The following AARS1 variants were observed in gnomAD, a reference collection of about 807,000 sequenced individuals.
The protein encoded by AARS1 is alanyl-tRNA synthetase 1, also known as alanine--tRNA ligase, cytoplasmic.
AARS1 carries 72 observed loss-of-function variants against 108.9 expected under a neutral mutation model. The ratio of observed to expected loss-of-function variants is 0.66; its 90% CI spans 0.55 to 0.80. The LOEUF is 0.80. Ranked by LOEUF, AARS1 falls within the 30% of genes least tolerant of loss-of-function variation. The pLI is 0.00. For missense variants in AARS1, 1,193 were observed against 1,233.2 expected (o/e 0.97, Z 0.49); for synonymous variants, 489 against 465.7 (o/e 1.05, Z -0.64).
intron 11 of AARS1, among the ~76,000 whole-genome samples, chr16:70,262,996 A>AAAAAAACAAC (rs1555540563): frequency 1.5e-5 from 2 of 129,138 alleles, no homozygotes; most frequent in African/African-American, 3.5e-5. Context: ...AAAAAAAAAA[A>AAAAAAACAAC]AACAACAACA....
Position 70,270,239 on chromosome 16 carries a change from T to A in AARS1, c.773A>T (p.Tyr258Phe). ...GTAAGGGACAAAAAGGTCAGTGTCATAGTTGGACATCTTATTCTGCAGCAC... is the reference window on the plus strand; with the variant it reads ...GTAAGGGACAAAAAGGTCAGTGTCAAAGTTGGACATCTTATTCTGCAGCAC... ...VSVLQNKMSN[Y>F]DTDLFVPYFE... Residue 258 changes from tyrosine to phenylalanine, a missense_variant, in exon 6 of 21, where the codon TAT (tyrosine) becomes TTT (phenylalanine). Physicochemically the swap from Tyr to Phe is conservative, Grantham distance 22. Transcript: ENST00000261772. The A allele has an allele frequency of 6.2e-7, 1 of 1,614,156 alleles. No homozygotes were observed. Among genetic ancestry groups the A allele is most frequent in the Non-Finnish European group, 8.5e-7 (1 of 1,180,028 alleles).
chr16:70,283,178 C>A (rs1345747195), intron 1 of AARS1, among the ~76,000 whole-genome samples: 2 of 152,086 alleles, frequency 1.3e-5, no homozygotes, highest in African/African-American at 4.8e-5. Flanking sequence ...GTGGGCAGAT[C>A]ACAAGGTCAG....
At chr16:70,254,542 G>C in intron 17 of AARS1, 79 bp downstream of exon 17, 1 of 1,041,556 alleles carries the variant, frequency 9.6e-7, no homozygotes, top group Middle Eastern at 2.0e-4. Context: ...GGGCCTGACT[G>C]ACTACAGATG....
intron 1 of AARS1, among the ~76,000 whole-genome samples, chr16:70,285,341 T>C (rs1435001366): frequency 6.6e-6 from 1 of 152,174 alleles, no homozygotes; most frequent in Non-Finnish European, 1.5e-5. Context: ...TGGAGTGCAG[T>C]GGGACAATCA....
intron 15 of AARS1, among the ~76,000 whole-genome samples, chr16:70,256,250 A>G (rs1484318180): frequency 6.6e-6 from 1 of 152,208 alleles, no homozygotes; most frequent in African/African-American, 2.4e-5. Context: ...TTCTCAGTTC[A>G]GAGAACCTCA....
chr16:70,282,859 C>A, intron 1 of AARS1, 75 bp from the exon 2 acceptor site: 1 of 1,464,664 alleles, frequency 6.8e-7, no homozygotes, highest in Non-Finnish European at 9.5e-7. Context: ...AGACTTCTGG[C>A]TTCTCAAGCC....
Position 70,282,709 on chromosome 16 carries a change from TGAA to T in AARS1, c.52_54del (p.Phe18del). 1 of 1,614,106 alleles carries T rather than the reference TGAA, an allele frequency of 6.2e-7. No homozygotes were observed. The highest frequency in any genetic ancestry group is 8.5e-7 in the Non-Finnish European group (1 of 1,180,042). ...TGAACATACGTATGCTCGTTCCTCTTGAAGAAATCTATAAATCGCTGCCGGATT... is the reference window on the plus strand; with the variant it reads ...TGAACATACGTATGCTCGTTCCTCTTGAAATCTATAAATCGCTGCCGGATT... On this transcript the variant is annotated inframe_deletion, in exon 2 of 21. Coordinates refer to ENST00000261772, the MANE Select transcript of AARS1 (RefSeq NM_001605.3).
At position 70,285,943 on chromosome 16, in the gene AARS1, A is replaced by T. The variant is rs566431184; in HGVS notation, c.-21-3159T>A. On this transcript the variant is annotated intron_variant, in intron 1 of 20. Coordinates refer to ENST00000261772, the MANE Select transcript of AARS1 (RefSeq NM_001605.3). ...TGACTCCAGCTACTTTCCAAAAGAC[A>T]CATGAATTTCCCATTTTTGCTTACT... Among the ~76,000 whole-genome samples the T allele has an allele frequency of 2.0e-4, 30 of 152,332 alleles. 1 individual carries two copies. Among genetic ancestry groups the T allele is most frequent in the South Asian group, 8.3e-4 (4 of 4,824 alleles).
intron 16 of AARS1, 74 bp from the exon 17 acceptor site, chr16:70,254,808 C>T (rs993399069): frequency 7.6e-5 from 77 of 1,011,904 alleles, no homozygotes; most frequent in East Asian, 1.9e-4. Flanking sequence ...TGAGCAGCTG[C>T]GGAAGCCCCG....
chr16:70,272,964 A>G (rs897927617), intron 4 of AARS1, among the ~76,000 whole-genome samples: 3 of 151,784 alleles, frequency 2.0e-5, no homozygotes, highest in African/African-American at 2.4e-5. Context: ...CTACACTTTT[A>G]AAGTGTAGAT....
chr16:70,276,540 T>G lies in AARS1; in HGVS notation c.425A>C (p.Glu142Ala). ...CAGATCTGCTTCTAAGCCAGCTGCT[T>G]CATCCCCGCCAAAGTAAGTAACATA... ...RLYVTYFGGD[E>A]AAGLEADLEC... The change falls in exon 4 of 21, where the codon GAA becomes GCA. Residue 142 changes from glutamate (E) to alanine (A), a missense_variant. Physicochemically the swap from Glu to Ala is moderately radical, Grantham distance 107. Transcript: ENST00000261772. 1 of 1,614,140 alleles carries G rather than the reference T, an allele frequency of 6.2e-7. No individual in the cohort carries two copies. Among genetic ancestry groups the G allele is most frequent in the Admixed American group, 1.7e-5 (1 of 59,996 alleles).
chr16:70,281,803 G>A (rs1264381288), intron 2 of AARS1, among the ~76,000 whole-genome samples: 1 of 152,156 alleles, frequency 6.6e-6, no homozygotes, highest in African/African-American at 2.4e-5. Flanking sequence ...AGCATGCTAG[G>A]ATCATGCCAC....
Position 70,255,710 on chromosome 16 carries a change from C to T in AARS1, c.2286+18G>A, listed in dbSNP as rs780996918. 10 of 1,612,548 alleles carry T rather than the reference C, an allele frequency of 6.2e-6. No individual in the cohort carries two copies. The African/African-American group carries it at 1.3e-4, about 22-fold the overall frequency. On this transcript the variant is annotated intron_variant, in intron 16 of 20. Transcript: ENST00000261772. ...TTGCCTTCTTCAGATAAGCCACAAA[C>T]CAGCCTGACCTGCTCACCTTCTGGG...
intron 1 of AARS1, among the ~76,000 whole-genome samples, chr16:70,287,411 A>G (rs138736009): frequency 0.012 from 1,778 of 148,380 alleles, 29 homozygotes; most frequent in African/African-American, 0.041. Context: ...CTGGGTGACA[A>G]AGCGAGACCT....
Position 70,276,941 on chromosome 16 carries a change from A to G in AARS1, c.333+25T>C, listed in dbSNP as rs377258075. 6.1e-5 allele frequency: 98 copies of G among 1,613,256 alleles called. 1 individual carries two copies. The African/African-American group carries it at 1.2e-3, about 20-fold the overall frequency. On this transcript the variant is annotated intron_variant, in intron 3 of 20. Transcript: ENST00000261772. ...AAAAGACCATTTTCCTCAAAACCCT[A>G]GTGGTTCTTCTGCTCTGAACTTACC...
rs534729563 is a variant in AARS1, at chr16:70,263,834, G to A, written c.1492+1124C>T. Among the ~76,000 whole-genome samples the A allele has an allele frequency of 2.8e-3, 423 of 151,960 alleles. 1 individual carries two copies. Among genetic ancestry groups the A allele is most frequent in the African/African-American group, 9.4e-3 (390 of 41,562 alleles). On this transcript the variant is annotated intron_variant, in intron 11 of 20. Transcript: ENST00000261772. ...GTATTTCTGGTAGAGACAGGGTTTC[G>A]CCATGTTGCCCAGACTGGTCTCAAA...
At chr16:70,264,394 G>A (rs1039710142) in intron 11 of AARS1, among the ~76,000 whole-genome samples, 39 of 150,306 alleles carry the variant, frequency 2.6e-4, no homozygotes, top group Admixed American at 4.0e-4. Context: ...TTGGCTCACT[G>A]CAACCTCTGC....
chr16:70,262,671 A>C (rs2152156818), intron 11 of AARS1, 147 bp from the exon 12 acceptor site: 8 of 892,938 alleles, frequency 9.0e-6, no homozygotes, highest in South Asian at 1.8e-5. Context: ...TCATTAGACA[A>C]TATGAAAGGG....
chr16:70,286,320 G>C (rs1241742290), intron 1 of AARS1, among the ~76,000 whole-genome samples: 2 of 151,750 alleles, frequency 1.3e-5, no homozygotes, highest in African/African-American at 4.8e-5. Flanking sequence ...TAAAGGTCTT[G>C]GGTGCCTTAA....
Sources: gnomAD v4.1 joint callset for allele counts (sites outside exome capture counted in the v4.1 genomes callset) on GRCh38, gnomAD v4.1.1 for gene constraint, MANE v1.5 for transcripts, NCBI Gene and HGNC (gene_info 2026-07-23, HGNC 2026-07-21) for gene names.